The following ARMC6 variants were observed in gnomAD, a reference collection of about 807,000 sequenced individuals.
ARMC6 encodes armadillo repeat-containing protein 6.
Under a neutral mutation model 49.2 loss-of-function variants are expected in ARMC6, and 43 were observed. The ratio of observed to expected loss-of-function variants is 0.87; its 90% CI spans 0.69 to 1.13. The LOEUF (loss-of-function observed/expected upper bound fraction) is 1.13. ARMC6 is among the 50% of genes most tolerant of loss of function. The pLI is 0.00. For missense variants in ARMC6, 627 were observed against 682.0 expected, an observed-to-expected ratio of 0.92 and a Z score of 0.90; for synonymous variants, 262 against 289.6, an observed-to-expected ratio of 0.90 and a Z score of 0.97.
chr19:19,034,253 A>T lies in ARMC6; in HGVS notation c.29+15A>T. 1 of 1,593,292 alleles carries T rather than the reference A, an allele frequency of 6.3e-7. No individual in the cohort carries two copies. The highest frequency in any genetic ancestry group is 8.5e-7 in the Non-Finnish European group (1 of 1,177,568). On this transcript the variant is annotated intron_variant, in intron 2 of 8. Transcript: ENST00000535612. Reference sequence around the variant, plus strand: ...TCTAGATACAGGTAATGGTGTGCAAATAATAACAGAGTGATGGGACGGGAA... The same window carrying T: ...TCTAGATACAGGTAATGGTGTGCAATTAATAACAGAGTGATGGGACGGGAA...
In ARMC6 at chr19:19,055,714, G is replaced by T; in HGVS notation, c.1156-77G>T. On this transcript the variant is annotated intron_variant, in intron 7 of 8. Transcript: ENST00000535612. The surrounding 1 kb of genome is among the most constrained non-coding windows in gnomAD (Gnocchi z 5.7). ...AGGGGAGGCCGCAGGGTGTTCACCA[G>T]GGGTTGGTGGCCATGGCAGGATGTT... is the stretch of plus-strand genomic sequence containing the variant. 6.6e-7 allele frequency: 1 copy of T among 1,503,806 alleles called. No individual in the cohort carries two copies. The allele number at this position is 1,503,806 out of a possible 1,614,324, so 93.2% of individuals were successfully genotyped here.
chr19:19,040,863 TC>T (rs2059406753), intron 2 of ARMC6: 1 of 327,080 alleles, frequency 3.1e-6, no homozygotes, highest in Admixed American at 3.6e-5. Context: ...CTCACTTGTC[TC>T]ATCTGTAGCT....
In ARMC6 at chr19:19,055,268, C is replaced by A; in HGVS notation, c.1027C>A (p.Leu343Ile). ...AGCGGGCCTTTCCCTTGTGCAGGAG[C>A]TCGTGAAGCAAGTGCTGAGCACCCT... ...QMRDQSGVQELVKQVLSTLRA... is the reference protein window; with the variant it reads ...QMRDQSGVQEIVKQVLSTLRA... The change falls in exon 7 of 9, where the codon CTC (leucine) becomes ATC (isoleucine). Residue 343 changes from leucine (L) to isoleucine (I), a missense_variant. Coordinates refer to ENST00000535612, the MANE Select transcript of ARMC6 (RefSeq NM_001199196.2). This position sits in a 1 kb window ranked among gnomAD's most constrained non-coding sequence, Gnocchi z 5.7. 6.3e-7 allele frequency: 1 copy of A among 1,597,158 alleles called. No individual in the cohort carries two copies. The highest frequency in any genetic ancestry group is 8.5e-7 in the Non-Finnish European group (1 of 1,171,640).
intron 2 of ARMC6, chr19:19,039,173 C>CA (rs2059393272): frequency 4.8e-6 from 1 of 209,394 alleles, no homozygotes; most frequent in Non-Finnish European, 1.0e-5. Context: ...CTCCCTCTGT[C>CA]ATCCAGACCG....
Position 19,055,263 on chromosome 19 carries a change from A to G in ARMC6, c.1024-2A>G, listed in dbSNP as rs1321151162. On this transcript the variant is annotated splice_acceptor_variant, in intron 6 of 8. Coordinates refer to ENST00000535612, the MANE Select transcript of ARMC6 (RefSeq NM_001199196.2). LOFTEE classifies it high-confidence loss of function. The surrounding 1 kb of genome is among the most constrained non-coding windows in gnomAD (Gnocchi z 5.7). ...AGGTGAGCGGGCCTTTCCCTTGTGCAGGAGCTCGTGAAGCAAGTGCTGAGC... is the reference window on the plus strand; with the variant it reads ...AGGTGAGCGGGCCTTTCCCTTGTGCGGGAGCTCGTGAAGCAAGTGCTGAGC... 4 of 1,594,342 alleles carry G rather than the reference A, an allele frequency of 2.5e-6. No individual in the cohort carries two copies. The highest frequency in any genetic ancestry group is 1.7e-6 in the Non-Finnish European group (2 of 1,170,236).
intron 4 of ARMC6, among the ~76,000 whole-genome samples, chr19:19,046,321 G>A (rs1487601349): frequency 2.0e-5 from 3 of 149,584 alleles, no homozygotes; most frequent in Non-Finnish European, 4.5e-5. Context: ...CTCAGCCTCT[G>A]GAGTAGCTGA....
intron 3 of ARMC6, 131 bp downstream of exon 3, chr19:19,043,008 C>A: frequency 8.7e-7 from 1 of 1,154,384 alleles, no homozygotes; most frequent in Non-Finnish European, 1.2e-6. Context: ...GGGCCCTGTC[C>A]CCTCCAGCTT....
At chr19:19,038,961 C>T (rs559712496) in intron 2 of ARMC6, among the ~76,000 whole-genome samples, 5 of 151,818 alleles carry the variant, frequency 3.3e-5, no homozygotes, top group South Asian at 2.1e-4. Flanking sequence ...ACTGTGTTGC[C>T]GCAGGCTGGT....
chr19:19,047,986 G>A (rs1234294015), intron 4 of ARMC6, among the ~76,000 whole-genome samples: 2 of 152,056 alleles, frequency 1.3e-5, no homozygotes, highest in Non-Finnish European at 2.9e-5. Context: ...TGAGGTGGTC[G>A]GATTGCATCG....
At chr19:19,044,862 CG>C (rs2059436535) in intron 4 of ARMC6, among the ~76,000 whole-genome samples, 1 of 152,214 alleles carries the variant, frequency 6.6e-6, no homozygotes, top group African/African-American at 2.4e-5. Context: ...GGTGTAAACC[CG>C]GCTTGCCTAA....
intron 5 of ARMC6, among the ~76,000 whole-genome samples, chr19:19,053,221 C>T (rs1442779193): frequency 1.3e-5 from 2 of 152,180 alleles, no homozygotes; most frequent in East Asian, 3.9e-4. Flanking sequence ...GGCATGGTGG[C>T]TCATGCCTGT....
intron 2 of ARMC6, among the ~76,000 whole-genome samples, chr19:19,036,218 C>T (rs905407067): frequency 1.3e-5 from 2 of 152,132 alleles, no homozygotes; most frequent in African/African-American, 2.4e-5. Context: ...CCCACTACCA[C>T]GCCCAGTTAA....
chr19:19,051,249 GTTC>G (rs1412507292), intron 4 of ARMC6, among the ~76,000 whole-genome samples: 3 of 152,180 alleles, frequency 2.0e-5, no homozygotes, highest in South Asian at 2.1e-4. Context: ...CAACTGGATG[GTTC>G]TTCTGCTGGT....
chr19:19,044,415 G>T (rs1012844007), intron 4 of ARMC6, among the ~76,000 whole-genome samples: 2 of 152,194 alleles, frequency 1.3e-5, no homozygotes, highest in Non-Finnish European at 2.9e-5. Flanking sequence ...GAGAGAGTGG[G>T]CTCACAGTAA....
In ARMC6 at chr19:19,057,705, G is replaced by C. The variant is rs778594967; in HGVS notation, c.*77G>C. The C allele has an allele frequency of 3.5e-6, 5 of 1,412,812 alleles. No individual in the cohort carries two copies. The South Asian group carries it at 4.6e-5, about 13-fold the overall frequency. The allele number at this position is 1,412,812 out of a possible 1,614,324, so 87.5% of individuals were successfully genotyped here. ...TGGGGGTAGATCCATGTCCTCCACTGTCCCCCATTAGTTCTGTCCCCTTCA... is the reference window on the plus strand; with the variant it reads ...TGGGGGTAGATCCATGTCCTCCACTCTCCCCCATTAGTTCTGTCCCCTTCA... On this transcript the variant is annotated 3_prime_UTR_variant, in exon 9 of 9. Coordinates refer to ENST00000535612, the MANE Select transcript of ARMC6 (RefSeq NM_001199196.2).
intron 2 of ARMC6, chr19:19,040,936 T>A (rs2059407458): frequency 4.7e-6 from 1 of 211,788 alleles, no homozygotes; most frequent in South Asian, 4.4e-5. Context: ...ACCCCAGCGT[T>A]ACCTGCCCCA....
intron 4 of ARMC6, among the ~76,000 whole-genome samples, chr19:19,050,627 G>A (rs2059488449): frequency 6.6e-6 from 1 of 152,172 alleles, no homozygotes; most frequent in Non-Finnish European, 1.5e-5. Context: ...TTCTAGTCAT[G>A]CACACTGGTG....
At chr19:19,036,676 A>AAGGAG (rs2059371698) in intron 2 of ARMC6, among the ~76,000 whole-genome samples, 1 of 152,196 alleles carries the variant, frequency 6.6e-6, no homozygotes. Context: ...CTGGGGCAGA[A>AAGGAG]AGGAGAGGGG....
chr19:19,051,668 A>C lies in ARMC6; in HGVS notation c.326A>C (p.Glu109Ala). The C allele has an allele frequency of 6.2e-7, 1 of 1,612,752 alleles. No homozygotes were observed. The highest frequency in any genetic ancestry group is 8.5e-7 in the Non-Finnish European group (1 of 1,179,418). ...QESVASSRPQEVSAYLTRFCD... is the reference protein window; with the variant it reads ...QESVASSRPQAVSAYLTRFCD... The stretch of plus-strand genomic sequence containing the variant: ...TCTGTGGCCAGCTCTCGCCCCCAGG[A>C]GGTGTCAGCATACCTCACCCGCTTC... Residue 109 changes from glutamate (E) to alanine (A), a missense_variant, in exon 5 of 9, where the codon GAG becomes GCG. Coordinates refer to ENST00000535612, the MANE Select transcript of ARMC6 (RefSeq NM_001199196.2).
Sources: gnomAD v4.1 joint callset for allele counts (sites outside exome capture counted in the v4.1 genomes callset) on GRCh38, gnomAD v4.1.1 for gene constraint, Gnocchi (gnomAD v3.1) non-coding constraint, MANE v1.5 for transcripts, NCBI Gene and HGNC (gene_info 2026-07-23, HGNC 2026-07-21) for gene names.